ZNF362: variants seen among roughly 807,000 people sequenced by gnomAD.
ZNF362 encodes rotund homolog.
A neutral mutation model predicts 42.9 loss-of-function variants in ZNF362; 11 were observed. That is an observed-to-expected ratio of 0.26 (90% CI 0.16 to 0.42). The LOEUF (loss-of-function observed/expected upper bound fraction) is 0.42, where lower values mean the gene tolerates loss of function less well. Among genes scored for constraint, ZNF362 ranks in the 20% least tolerant of loss-of-function variants. The pLI, the probability that ZNF362 is intolerant of heterozygous loss-of-function variation, is 1.00. For synonymous variants in ZNF362, 255 were observed against 257.3 expected, an observed-to-expected ratio of 0.99 and a Z score of 0.09; for missense variants, 362 against 576.2, an observed-to-expected ratio of 0.63 and a Z score of 3.81.
At chr1:33,181,637 C>T in the ZNF362 span, 2 of 973,738 alleles carry the variant, frequency 2.1e-6, no homozygotes, top group Non-Finnish European at 2.9e-6. This position sits in a 1 kb window ranked among gnomAD's most constrained non-coding sequence, Gnocchi z 6.5. Flanking sequence ...CGTGGGACGC[C>T]AGCCCGGGAG....
At chr1:33,173,674 CTTTCT>C in the ZNF362 span, among the ~76,000 whole-genome samples, 4 of 39,116 alleles carry the variant, frequency 1.0e-4, no homozygotes, top group African/African-American at 3.7e-4. Context: ...AGCACAGTTT[CTTTCT>C]TTTTTTTTTT....
At chr1:33,213,160 G>T in the ZNF362 span, among the ~76,000 whole-genome samples, 1 of 152,066 alleles carries the variant, frequency 6.6e-6, no homozygotes, top group African/African-American at 2.4e-5. Flanking sequence ...GTTTTGTTTT[G>T]TTTTAGATGG....
intron 2 of ZNF362, chr1:33,275,020 A>T (rs568620497): frequency 2.0e-6 from 2 of 985,430 alleles, no homozygotes; most frequent in East Asian, 2.3e-4. Flanking sequence ...AAGCTCATAG[A>T]ATCAGGAAAA....
At chr1:33,181,462 G>A in the ZNF362 span, 5 of 1,560,662 alleles carry the variant, frequency 3.2e-6, no homozygotes, top group Non-Finnish European at 4.3e-6. This position sits in a 1 kb window ranked among gnomAD's most constrained non-coding sequence, Gnocchi z 6.5. Flanking sequence ...AGGGGGGCCC[G>A]AGGGGCAGGG....
chr1:33,262,943 G>T (rs559747973), intron 1 of ZNF362, among the ~76,000 whole-genome samples: 7 of 152,136 alleles, frequency 4.6e-5, no homozygotes, highest in Non-Finnish European at 1.0e-4. Context: ...CTTGCCACTG[G>T]GAGGACCACA....
At chr1:33,257,652 A>G (rs1020386784) in intron 1 of ZNF362, among the ~76,000 whole-genome samples, 3 of 152,156 alleles carry the variant, frequency 2.0e-5, no homozygotes, top group African/African-American at 7.2e-5. Context: ...ATGGCATTGT[A>G]AGGAGCTAGA....
At chr1:33,256,915 TGTGTGTGTGTGCGCGCGC>T (rs1420256136) in intron 1 of ZNF362, among the ~76,000 whole-genome samples, 1 of 149,132 alleles carries the variant, frequency 6.7e-6, no homozygotes, top group South Asian at 2.1e-4. Context: ...TGTGTGTGCG[TGTGTGTGTGTGCGCGCGC>T]GTGTGTGTGT....
chr1:33,162,814 A>G, the ZNF362 span: 1 of 152,320 alleles, frequency 6.6e-6, no homozygotes, highest in African/African-American at 2.4e-5. Flanking sequence ...CTACAAAGCC[A>G]TAGCTCTTGC....
chr1:33,238,331 A>C, the ZNF362 span, among the ~76,000 whole-genome samples: 3 of 78,558 alleles, frequency 3.8e-5, no homozygotes, highest in African/African-American at 1.5e-4. Flanking sequence ...AATAACATAA[A>C]ATAAAATAAA....
the ZNF362 span, among the ~76,000 whole-genome samples, chr1:33,216,941 G>A: frequency 5.3e-5 from 8 of 151,670 alleles, no homozygotes; most frequent in Non-Finnish European, 1.0e-4. Flanking sequence ...CAGAGGCGAC[G>A]CGTGGGAGTA....
the ZNF362 span, among the ~76,000 whole-genome samples, chr1:33,204,284 A>G: frequency 2.0e-5 from 3 of 152,082 alleles, no homozygotes; most frequent in East Asian, 3.8e-4. Flanking sequence ...TTGACCATAT[A>G]TGACTGAGTT....
the ZNF362 span, among the ~76,000 whole-genome samples, chr1:33,196,816 T>A: frequency 6.6e-6 from 1 of 152,224 alleles, no homozygotes; most frequent in African/African-American, 2.4e-5. Context: ...ATGTGAGTAA[T>A]ATATTGCACT....
the ZNF362 span, among the ~76,000 whole-genome samples, chr1:33,175,760 G>A: frequency 1.3e-5 from 2 of 151,968 alleles, no homozygotes; most frequent in Admixed American, 6.5e-5. Flanking sequence ...AGTAGGGAAC[G>A]AAAAAATCCT....
upstream of ZNF362, among the ~76,000 whole-genome samples, chr1:33,255,431 C>CG (rs1318254846): frequency 3.9e-5 from 6 of 151,968 alleles, no homozygotes; most frequent in Admixed American, 2.0e-4. Flanking sequence ...GCCCAGCGGT[C>CG]GGGGGGTGGT....
the ZNF362 span, among the ~76,000 whole-genome samples, chr1:33,193,230 C>A: frequency 6.6e-6 from 1 of 152,122 alleles, no homozygotes; most frequent in Non-Finnish European, 1.5e-5. Context: ...CAATTGTAAT[C>A]ACAATCTGCA....
the ZNF362 span, among the ~76,000 whole-genome samples, chr1:33,224,823 T>C: frequency 6.0e-4 from 91 of 152,254 alleles, no homozygotes; most frequent in East Asian, 0.014. Context: ...CTATACAGAA[T>C]GAATACGAAG....
chr1:33,283,636 T>G (rs966726682), intron 6 of ZNF362, among the ~76,000 whole-genome samples: 5 of 151,918 alleles, frequency 3.3e-5, no homozygotes, highest in Admixed American at 1.3e-4. Context: ...ACTCAGGAGG[T>G]CGAGGCTTCA....
At chr1:33,240,915 C>A in the ZNF362 span, among the ~76,000 whole-genome samples, 1 of 152,182 alleles carries the variant, frequency 6.6e-6, no homozygotes, top group Non-Finnish European at 1.5e-5. Context: ...GCAGACGCTG[C>A]AGAATAAGGG....
At chr1:33,187,000 G>A in the ZNF362 span, among the ~76,000 whole-genome samples, 1 of 151,714 alleles carries the variant, frequency 6.6e-6, no homozygotes, top group Non-Finnish European at 1.5e-5. Context: ...ACAGGGAAGG[G>A]AAGGCAGCCC....
Sources: allele counts gnomAD v4.1 joint callset (sites outside exome capture counted in the v4.1 genomes callset), GRCh38; gene constraint gnomAD v4.1.1; non-coding constraint Gnocchi (gnomAD v3.1); transcripts MANE v1.5; gene names NCBI Gene and HGNC (gene_info 2026-07-23, HGNC 2026-07-21).